The following ELAPOR1 variants were observed in gnomAD, a reference collection of about 807,000 sequenced individuals.
The protein encoded by ELAPOR1 is endosome/lysosome-associated apoptosis and autophagy regulator 1.
A neutral mutation model predicts 119.7 loss-of-function variants in ELAPOR1; 77 were observed. The ratio of observed to expected loss-of-function variants is 0.64; its 90% CI spans 0.54 to 0.78. The LOEUF is 0.78. Ranked by LOEUF, ELAPOR1 falls within the 30% of genes least tolerant of loss-of-function variation. ELAPOR1 has a pLI of 0.00. For synonymous variants in ELAPOR1, 481 were observed against 487.2 expected (o/e 0.99, Z 0.17); for missense variants, 1,115 against 1,270.4 (o/e 0.88, Z 1.86).
At chr1:109,161,409 C>CAAAAAAAAAA (rs59573644) in intron 1 of ELAPOR1, among the ~76,000 whole-genome samples, 6 of 56,332 alleles carry the variant, frequency 1.1e-4, no homozygotes, top group Admixed American at 2.0e-4. Context: ...GACTCCGTCT[C>CAAAAAAAAAA]AAAAAAAAAA....
chr1:109,120,134 A>C (rs1309630524), intron 1 of ELAPOR1, among the ~76,000 whole-genome samples: 2 of 152,222 alleles, frequency 1.3e-5, no homozygotes, highest in Admixed American at 1.3e-4. Flanking sequence ...ACCATGGCTC[A>C]TGCCTGTAAT....
chr1:109,189,657 C>CCCT lies in ELAPOR1; in HGVS notation c.1414_1415insCCT (p.Leu472delinsProPhe). 6.2e-7 allele frequency: 1 copy of CCCT among 1,614,104 alleles called. No individual in the cohort carries two copies. Among genetic ancestry groups the CCCT allele is most frequent in the Non-Finnish European group, 8.5e-7 (1 of 1,179,972 alleles). The stretch of plus-strand genomic sequence containing the variant: ...AGCCTCAGACAATGACTTCATGATT[C>CCCT]TCACTCTGGTTGTGCCAGGATTTAG... On this transcript the variant is annotated protein_altering_variant, in exon 11 of 22. Coordinates refer to ENST00000369939, the MANE Select transcript of ELAPOR1 (RefSeq NM_020775.5).
intron 8 of ELAPOR1, 100 bp from the exon 9 acceptor site, chr1:109,188,077 A>T: frequency 6.7e-7 from 1 of 1,484,108 alleles, no homozygotes; most frequent in South Asian, 1.4e-5. Flanking sequence ...TACCTGGCCC[A>T]GAATCTGGAT....
chr1:109,130,048 A>T (rs1449408387), intron 1 of ELAPOR1, among the ~76,000 whole-genome samples: 1 of 152,170 alleles, frequency 6.6e-6, no homozygotes, highest in Non-Finnish European at 1.5e-5. Flanking sequence ...TTACAGCTCC[A>T]TCACTCCAAC....
At chr1:109,138,371 C>T (rs1570624798) in intron 1 of ELAPOR1, among the ~76,000 whole-genome samples, 1 of 152,194 alleles carries the variant, frequency 6.6e-6, no homozygotes. Flanking sequence ...ATACAGATAA[C>T]CATAGCCACA....
intron 1 of ELAPOR1, among the ~76,000 whole-genome samples, chr1:109,124,459 A>T (rs1311053328): frequency 6.6e-6 from 1 of 152,218 alleles, no homozygotes; most frequent in Non-Finnish European, 1.5e-5. Context: ...TTATATAACT[A>T]ACCAATTCAG....
At chr1:109,155,329 T>A (rs144722522) in intron 1 of ELAPOR1, among the ~76,000 whole-genome samples, 2,279 of 152,042 alleles carry the variant, frequency 0.015, 63 homozygotes, top group African/African-American at 0.052. Flanking sequence ...GCACCCACCA[T>A]CACGCCCGGC....
At chr1:109,199,039 T>G (rs775943848) in intron 18 of ELAPOR1, among the ~76,000 whole-genome samples, 1 of 152,218 alleles carries the variant, frequency 6.6e-6, no homozygotes, top group Non-Finnish European at 1.5e-5. Context: ...ATGGGCATAA[T>G]GCTAAATTCC....
chr1:109,201,732 T>C (rs1044198874), intron 21 of ELAPOR1, among the ~76,000 whole-genome samples: 1 of 152,168 alleles, frequency 6.6e-6, no homozygotes, highest in Non-Finnish European at 1.5e-5. Flanking sequence ...TTCTTTTTTT[T>C]TAAATGAATG....
At position 109,198,581 on chromosome 1, in the gene ELAPOR1, A is replaced by G. The variant is rs1414693570; in HGVS notation, c.2408A>G (p.Asp803Gly). ...GCTGGCTTTCTCTGCAGGTCCAATG[A>G]TGTGACCCAGTCCTGCAGTTCTGGG... ...PDVIFFYRSN[D>G]VTQSCSSGRS... The change falls in exon 18 of 22, where the codon GAT (aspartate) becomes GGT (glycine). Residue 803 changes from aspartate to glycine, a missense_variant. By Grantham distance (94) the Asp-to-Gly change is moderately conservative. Coordinates refer to ENST00000369939, the MANE Select transcript of ELAPOR1 (RefSeq NM_020775.5). 1.9e-6 allele frequency: 3 copies of G among 1,613,350 alleles called. No homozygotes were observed.
chr1:109,135,485 C>T (rs576211616), intron 1 of ELAPOR1, among the ~76,000 whole-genome samples: 17 of 152,252 alleles, frequency 1.1e-4, no homozygotes, highest in East Asian at 1.9e-4. Context: ...CCTTGCGATC[C>T]GCCCACCCTG....
intron 1 of ELAPOR1, among the ~76,000 whole-genome samples, chr1:109,116,616 G>A (rs1039671977): frequency 2.0e-5 from 3 of 151,036 alleles, no homozygotes; most frequent in Admixed American, 1.3e-4. Flanking sequence ...GATCAAACAA[G>A]TTTGGGGGCT....
intron 8 of ELAPOR1, chr1:109,187,201 A>G (rs1460273383): frequency 2.0e-6 from 2 of 985,324 alleles, no homozygotes; most frequent in African/African-American, 1.7e-5. Flanking sequence ...CATTGGGGTC[A>G]GTGAATGTGC....
chr1:109,144,061 A>ATATATATTT lies in ELAPOR1; in HGVS notation c.154-17832_154-17831insATATATTTT. Among the ~76,000 whole-genome samples, 478 of 88,900 alleles carry ATATATATTT rather than the reference A, an allele frequency of 5.4e-3. 12 individuals are homozygous for ATATATATTT. Among genetic ancestry groups the ATATATATTT allele is most frequent in the Middle Eastern group, 0.016 (2 of 122 alleles). 58.3% of individuals were successfully genotyped at this position (88,900 alleles called of 152,430 possible). A position where few individuals can be genotyped will look rare whatever the true frequency, so the allele number is the denominator to read the frequency against. ...TATATATATATATATATATTTATATATTTTTTTTTTTTTTTGAGATGGAGT... is the reference window on the plus strand; with the variant it reads ...TATATATATATATATATATTTATATATATATATTTTTTTTTTTTTTTTTTGAGATGGAGT... On this transcript the variant is annotated intron_variant, in intron 1 of 21. Transcript: ENST00000369939.
In ELAPOR1 at chr1:109,114,118, C is replaced by T. The variant is rs939933663; in HGVS notation, c.-66C>T. On this transcript the variant is annotated 5_prime_UTR_variant, in exon 1 of 22. Coordinates refer to ENST00000369939, the MANE Select transcript of ELAPOR1 (RefSeq NM_020775.5). ...GTACCTCCCTCCCCTTTTTTTCCGC[C>T]TTCTGCCAGCAGAAGCAGCAGCCGC... 9.7e-6 allele frequency: 14 copies of T among 1,448,216 alleles called. No individual in the cohort carries two copies. The Admixed American group carries it at 3.0e-4, about 31-fold the overall frequency. 89.7% of individuals were successfully genotyped at this position (1,448,216 alleles called of 1,614,324 possible).
intron 1 of ELAPOR1, 143 bp downstream of exon 1, chr1:109,114,479 G>T (rs995206366): frequency 2.0e-6 from 2 of 991,240 alleles, no homozygotes; most frequent in African/African-American, 3.4e-5. Flanking sequence ...GGAGGGAAGA[G>T]GAGCCAGTCT....
At chr1:109,119,825 G>A (rs935870853) in intron 1 of ELAPOR1, among the ~76,000 whole-genome samples, 1 of 152,120 alleles carries the variant, frequency 6.6e-6, no homozygotes, top group Non-Finnish European at 1.5e-5. Flanking sequence ...TTTCTTGAAG[G>A]TATAAGCCTA....
At chr1:109,176,606 CTT>C (rs1166255748) in intron 7 of ELAPOR1, among the ~76,000 whole-genome samples, 16 of 127,778 alleles carry the variant, frequency 1.3e-4, no homozygotes, top group Admixed American at 3.2e-4. Context: ...CTTTTTTTTT[CTT>C]TTTTTTTTTT....
chr1:109,116,648 A>G (rs995469378), intron 1 of ELAPOR1, among the ~76,000 whole-genome samples: 1 of 150,680 alleles, frequency 6.6e-6, no homozygotes, highest in African/African-American at 2.4e-5. Context: ...ATGGTGAAAA[A>G]CCAATTCAAG....
Sources: gnomAD v4.1 joint callset for allele counts (sites outside exome capture counted in the v4.1 genomes callset) on GRCh38, gnomAD v4.1.1 for gene constraint, MANE v1.5 for transcripts, NCBI Gene and HGNC (gene_info 2026-07-23, HGNC 2026-07-21) for gene names.